The following CUX1 variants were observed in gnomAD, a reference collection of about 807,000 sequenced individuals.
The protein encoded by CUX1 is cut like homeobox 1, also known as protein CASP.
Under a neutral mutation model 158.8 loss-of-function variants are expected in CUX1, and 31 were observed. The observed-to-expected ratio is 0.20, with a 90% CI of 0.15 to 0.26. The LOEUF is 0.26. Among genes scored for constraint, CUX1 ranks in the 10% least tolerant of loss-of-function variants. The pLI is 1.00. For missense variants in CUX1, 1,589 were observed against 2,014.6 expected (o/e 0.79, Z 4.04); for synonymous variants, 879 against 862.1 (o/e 1.02, Z -0.34).
rs565626354 is a variant in CUX1, at chr7:101,948,430, T to C, written c.141+32205T>C. On this transcript the variant is annotated intron_variant, in intron 2 of 23. Transcript: ENST00000292535. ...GGAATTGGCTTTTCATAGGGGAACG[T>C]GGTGCCTCGGGATTTTATAATAAAG... Among the ~76,000 whole-genome samples the C allele has an allele frequency of 6.6e-5, 10 of 151,862 alleles. No homozygotes were observed. In the South Asian group the frequency reaches 1.4e-3, roughly 22 times the overall value.
In CUX1 at chr7:101,981,172, G is replaced by C. The variant is rs111501814; in HGVS notation, c.142-46926G>C. On this transcript the variant is annotated intron_variant, in intron 2 of 23. Transcript: ENST00000292535. ...ATACCCCCCGTTTTGTGAATCCTGA[G>C]CCAGTACTGTGTCCCCGGCCCCCTC... Among the ~76,000 whole-genome samples, 10 of 151,946 alleles carry C rather than the reference G, an allele frequency of 6.6e-5. 1 individual carries two copies. Among genetic ancestry groups the C allele is most frequent in the African/African-American group, 2.4e-4 (10 of 41,450 alleles).
At chr7:102,010,528 A>C (rs1209043035) in intron 2 of CUX1, among the ~76,000 whole-genome samples, 1 of 152,188 alleles carries the variant, frequency 6.6e-6, no homozygotes, top group African/African-American at 2.4e-5. Flanking sequence ...CTTTCATATC[A>C]GGCAACATAC....
intron 1 of CUX1, among the ~76,000 whole-genome samples, chr7:101,865,321 G>C (rs1584806866): frequency 6.6e-6 from 1 of 152,196 alleles, no homozygotes; most frequent in African/African-American, 2.4e-5. Flanking sequence ...CAGAACAACT[G>C]TTTTTCTTCT....
intron 1 of CUX1, among the ~76,000 whole-genome samples, chr7:101,900,742 G>T (rs1802056202): frequency 6.6e-6 from 1 of 152,090 alleles, no homozygotes; most frequent in South Asian, 2.1e-4. Context: ...AGCCACAGCT[G>T]TGATTCAGAA....
intron 14 of CUX1, among the ~76,000 whole-genome samples, chr7:102,267,187 T>C (rs1162445570): frequency 1.3e-5 from 2 of 149,712 alleles, no homozygotes; most frequent in Non-Finnish European, 3.0e-5. Context: ...CTAGCAGAGA[T>C]ACCATGTGCA....
chr7:101,899,973 G>A (rs570639948), intron 1 of CUX1, among the ~76,000 whole-genome samples: 3 of 152,272 alleles, frequency 2.0e-5, no homozygotes, highest in South Asian at 2.1e-4. Flanking sequence ...CATTTAGTGC[G>A]AGTTTAGGTG....
chr7:101,966,848 C>T (rs1324677901), intron 2 of CUX1, among the ~76,000 whole-genome samples: 1 of 152,018 alleles, frequency 6.6e-6, no homozygotes, highest in Non-Finnish European at 1.5e-5. Context: ...AGCGGACCTG[C>T]CAGGGAAGCT....
intron 8 of CUX1, among the ~76,000 whole-genome samples, chr7:102,123,122 A>G (rs888928140): frequency 1.3e-5 from 2 of 151,868 alleles, no homozygotes; most frequent in Non-Finnish European, 1.5e-5. Context: ...TCCCAGCTAC[A>G]CGGGAGGCTA....
chr7:102,077,876 A>C (rs1448253857), intron 4 of CUX1, among the ~76,000 whole-genome samples: 1 of 144,084 alleles, frequency 6.9e-6, no homozygotes, highest in Admixed American at 7.0e-5. Flanking sequence ...GATACTTTTC[A>C]TTTTTTTTTT....
At chr7:102,059,605 C>A (rs1419430434) in intron 3 of CUX1, among the ~76,000 whole-genome samples, 2 of 145,490 alleles carry the variant, frequency 1.4e-5, no homozygotes, top group African/African-American at 5.3e-5. Context: ...TCACTCCAGC[C>A]TGAGTGACAG....
intron 20 of CUX1, among the ~76,000 whole-genome samples, chr7:102,224,877 A>G (rs1376202479): frequency 6.6e-6 from 1 of 152,204 alleles, no homozygotes; most frequent in Non-Finnish European, 1.5e-5. Context: ...TGTGGGTTAA[A>G]GGACACAAAA....
chr7:102,160,127 A>C (rs1481881211), intron 9 of CUX1, among the ~76,000 whole-genome samples: 2 of 151,998 alleles, frequency 1.3e-5, no homozygotes, highest in Non-Finnish European at 2.9e-5. Context: ...GTTGCAGTGA[A>C]CCAATCATGC....
intron 4 of CUX1, among the ~76,000 whole-genome samples, chr7:102,076,574 C>T (rs1008987019): frequency 3.9e-5 from 6 of 152,052 alleles, no homozygotes; most frequent in African/African-American, 1.2e-4. Flanking sequence ...GACTTGTCTT[C>T]CTGGGTATTA....
At chr7:102,008,747 C>T (rs1817663861) in intron 2 of CUX1, among the ~76,000 whole-genome samples, 1 of 152,138 alleles carries the variant, frequency 6.6e-6, no homozygotes, top group Non-Finnish European at 1.5e-5. Flanking sequence ...GAACATTGAG[C>T]AATTGTCAAA....
Position 101,942,321 on chromosome 7 carries a change from C to T in CUX1, c.141+26096C>T, listed in dbSNP as rs541495947. The stretch of plus-strand genomic sequence containing the variant: ...CTTTCACAGAATAAGTGAAATGGAA[C>T]AAAAGTCTTTTTTGAATTCTCATTC... On this transcript the variant is annotated intron_variant, in intron 2 of 23. Transcript: ENST00000292535. 1.4e-4 allele frequency among the ~76,000 whole-genome samples: 22 copies of T among 152,296 alleles called. 1 individual carries two copies. In the South Asian group the frequency reaches 4.1e-3, roughly 29 times the overall value.
chr7:101,846,622 C>T (rs896042343), intron 1 of CUX1, among the ~76,000 whole-genome samples: 1 of 152,110 alleles, frequency 6.6e-6, no homozygotes, highest in African/African-American at 2.4e-5. Context: ...GCCACCCTAC[C>T]CAGCCGAACT....
At chr7:102,089,587 C>G (rs1828312742) in intron 4 of CUX1, among the ~76,000 whole-genome samples, 1 of 152,226 alleles carries the variant, frequency 6.6e-6, no homozygotes, top group South Asian at 2.1e-4. Flanking sequence ...ACAAGTGTGT[C>G]CTCTCTGGCT....
intron 14 of CUX1, among the ~76,000 whole-genome samples, chr7:102,271,249 C>T (rs896926788): frequency 2.0e-5 from 3 of 152,182 alleles, no homozygotes; most frequent in Admixed American, 6.5e-5. Flanking sequence ...TGGAGCTTAA[C>T]GCCCTCTTTT....
chr7:102,004,144 G>A (rs1479857142), intron 2 of CUX1, among the ~76,000 whole-genome samples: 2 of 152,198 alleles, frequency 1.3e-5, no homozygotes, highest in African/African-American at 2.4e-5. Flanking sequence ...CTCACCCAAT[G>A]GGGCTGAAAG....
Sources: gnomAD v4.1 joint callset for allele counts (sites outside exome capture counted in the v4.1 genomes callset) on GRCh38, gnomAD v4.1.1 for gene constraint, MANE v1.5 for transcripts, NCBI Gene and HGNC (gene_info 2026-07-23, HGNC 2026-07-21) for gene names.